The following ZFP82 variants were observed in gnomAD, a reference collection of about 807,000 sequenced individuals.
ZFP82 encodes zinc finger protein 82 homolog.
Under a neutral mutation model 54.0 loss-of-function variants are expected in ZFP82, and 30 were observed. That is an observed-to-expected ratio of 0.56 (90% CI 0.42 to 0.75). The LOEUF (loss-of-function observed/expected upper bound fraction) is 0.75. ZFP82 is among the 30% of genes least tolerant of loss of function. The pLI, the probability that ZFP82 is intolerant of heterozygous loss-of-function variation, is 0.00. For synonymous variants in ZFP82, 194 were observed against 209.5 expected, an observed-to-expected ratio of 0.93 and a Z score of 0.64; for missense variants, 500 against 636.8, an observed-to-expected ratio of 0.79 and a Z score of 2.31.
At position 36,392,939 on chromosome 19, in the gene ZFP82, T is replaced by C; in HGVS notation, c.1401A>G (p.Leu467=). The change falls in exon 5 of 5, where the codon CTA becomes CTG. Residue 467 remains leucine, a synonymous_variant. Transcript: ENST00000392161. The part of the protein sequence containing the change: ...KAFRLRQKLT[L]HQSIHTGEKP... ...TTTCGCCAGTATGAATGCTCTGATG[T>C]AGAGTAAGTTTTTGGCGCAATCTAA... 4 of 1,614,004 alleles carry C rather than the reference T, an allele frequency of 2.5e-6. No individual in the cohort carries two copies. Among genetic ancestry groups the C allele is most frequent in the Non-Finnish European group, 3.4e-6 (4 of 1,179,956 alleles).
chr19:36,409,801 T>C lies in ZFP82; in HGVS notation c.-12A>G. 1.2e-6 allele frequency: 2 copies of C among 1,613,660 alleles called. No homozygotes were observed. The highest frequency in any genetic ancestry group is 8.5e-7 in the Non-Finnish European group (1 of 1,179,812). On this transcript the variant is annotated 5_prime_UTR_variant, in exon 2 of 5. Coordinates refer to ENST00000392161, the MANE Select transcript of ZFP82 (RefSeq NM_133466.4). Reference sequence around the variant, plus strand: ...CTTACAAGGGCCATGGTATAGAAATTCAAGAACTGGTCAGTCCTCCTTGGG... The same window carrying C: ...CTTACAAGGGCCATGGTATAGAAATCCAAGAACTGGTCAGTCCTCCTTGGG...
downstream of ZFP82, among the ~76,000 whole-genome samples, chr19:36,388,530 T>C (rs2032141461): frequency 6.6e-6 from 1 of 152,108 alleles, no homozygotes; most frequent in African/African-American, 2.4e-5. Flanking sequence ...TTGAAACATA[T>C]TGAAATATAT....
intron 3 of ZFP82, among the ~76,000 whole-genome samples, chr19:36,407,367 C>T (rs373251665): frequency 7.2e-5 from 11 of 152,204 alleles, no homozygotes; most frequent in African/African-American, 2.6e-4. Flanking sequence ...TGAGCCACCG[C>T]GCCCGGCCAG....
rs1170792520 is a variant in ZFP82, at chr19:36,388,719, G to A, written c.*4022C>T. On this transcript the variant is annotated 3_prime_UTR_variant, in exon 5 of 5. Transcript: ENST00000392161. ...GTTCTTTTCAAAGAGAATATCCTTAGTCTGTTATTTTATTAACTATTCCAT... is the reference window on the plus strand; with the variant it reads ...GTTCTTTTCAAAGAGAATATCCTTAATCTGTTATTTTATTAACTATTCCAT... 6.6e-6 allele frequency among the ~76,000 whole-genome samples: 1 copy of A among 151,938 alleles called. No individual in the cohort carries two copies. The highest frequency in any genetic ancestry group is 6.6e-5 in the Admixed American group (1 of 15,238).
Position 36,392,599 on chromosome 19 carries a change from G to A in ZFP82, c.*142C>T, listed in dbSNP as rs979493514. 7.5e-6 allele frequency: 5 copies of A among 668,494 alleles called. No homozygotes were observed. The highest frequency in any genetic ancestry group is 7.3e-5 in the African/African-American group (4 of 54,924). The allele number at this position is 668,494 out of a possible 1,614,324, so 41.4% of individuals were successfully genotyped here. ...AAATATGCTGAAGTTTCAGGTTTGA[G>A]TGATGATGGACTACAATACATTGTC... On this transcript the variant is annotated 3_prime_UTR_variant, in exon 5 of 5. Coordinates refer to ENST00000392161, the MANE Select transcript of ZFP82 (RefSeq NM_133466.4).
chr19:36,409,746 C>T, intron 2 of ZFP82, 35 bp downstream of exon 2: 2 of 1,612,008 alleles, frequency 1.2e-6, no homozygotes, highest in South Asian at 2.2e-5. Flanking sequence ...AGAACCTTAA[C>T]ATGATAGTAT....
exon 2 of ZFP82, chr19:36,383,169 C>T (rs10426977): frequency 1.8e-4 from 28 of 152,050 alleles, no homozygotes; most frequent in South Asian, 1.2e-3. Flanking sequence ...ACCACATGGC[C>T]GAGGAAACTT....
rs1347704726 is a variant in ZFP82 at position 36,393,011 on chromosome 19, A to G, written c.1329T>C (p.Ile443=). The change falls in exon 5 of 5, where the codon ATT becomes ATC. Residue 443 remains isoleucine (I), a synonymous_variant. Transcript: ENST00000392161. ...ATTTATAAGGTTTCTCACCAATATG[A>G]ATACTCTGATGCTGTGTGAGTTGTG... is the stretch of plus-strand genomic sequence containing the variant. The part of the protein sequence containing the change: ...LLSQLTQHQS[I]HIGEKPYKCK... 6.2e-7 allele frequency: 1 copy of G among 1,614,186 alleles called. No homozygotes were observed.
chr19:36,386,108 G>A (rs533888331), downstream of ZFP82, among the ~76,000 whole-genome samples: 1 of 152,336 alleles, frequency 6.6e-6, no homozygotes, highest in Admixed American at 6.5e-5. Flanking sequence ...GACCCTGAAG[G>A]CATTCTGGCG....
At chr19:36,387,249 T>C (rs972504929), downstream of ZFP82, among the ~76,000 whole-genome samples, 3 of 152,132 alleles carry the variant, frequency 2.0e-5, no homozygotes, top group Non-Finnish European at 4.4e-5. Context: ...GAGAAGAACA[T>C]GAATTTGGGA....
chr19:36,384,938 A>C (rs569288731), downstream of ZFP82, among the ~76,000 whole-genome samples: 4 of 152,324 alleles, frequency 2.6e-5, no homozygotes, highest in South Asian at 6.2e-4. Flanking sequence ...TTAATCTATG[A>C]ATAGAGTGAC....
rs1024192045 is a variant in ZFP82, at chr19:36,390,498, A to G, written c.*2243T>C. On this transcript the variant is annotated 3_prime_UTR_variant, in exon 5 of 5. Transcript: ENST00000392161. ...TAATTAGGTTTGGAGACTAACTTGT[A>G]CTTCTCAGTTTTGGGGGAGCCAAGA... 2 of 151,982 alleles carry G rather than the reference A, an allele frequency of 1.3e-5. No individual in the cohort carries two copies. Among genetic ancestry groups the G allele is most frequent in the Non-Finnish European group, 2.9e-5 (2 of 68,008 alleles). 9.4% of individuals were successfully genotyped at this position (151,982 alleles called of 1,614,324 possible).
At chr19:36,417,034 C>G (rs1343673136) in intron 1 of ZFP82, among the ~76,000 whole-genome samples, 1 of 111,462 alleles carries the variant, frequency 9.0e-6, no homozygotes, top group Non-Finnish European at 2.0e-5. Context: ...GATTGTGCCA[C>G]TGCACTCCAA....
intron 2 of ZFP82, among the ~76,000 whole-genome samples, chr19:36,408,948 G>A (rs181839244): frequency 2.6e-5 from 4 of 152,274 alleles, no homozygotes; most frequent in South Asian, 2.1e-4. Flanking sequence ...GGGAGTCAAC[G>A]TGACTACTTA....
At chr19:36,407,258 A>G (rs2032500161) in intron 3 of ZFP82, among the ~76,000 whole-genome samples, 1 of 150,944 alleles carries the variant, frequency 6.6e-6, no homozygotes, top group South Asian at 2.1e-4. Context: ...TTGTATTTTT[A>G]GTAGAGACGG....
downstream of ZFP82, among the ~76,000 whole-genome samples, chr19:36,386,861 G>C (rs1485827513): frequency 6.6e-6 from 1 of 151,838 alleles, no homozygotes; most frequent in African/African-American, 2.4e-5. Flanking sequence ...GCTTGAATCT[G>C]GAGACAGAGG....
chr19:36,409,237 C>T (rs527998200), intron 2 of ZFP82, among the ~76,000 whole-genome samples: 1 of 152,244 alleles, frequency 6.6e-6, no homozygotes, highest in African/African-American at 2.4e-5. Context: ...GAGGCTGAGG[C>T]CAACTAACAG....
rs186503597 is a variant in ZFP82 at position 36,408,610 on chromosome 19, G to A, written c.10-597C>T. On this transcript the variant is annotated intron_variant, in intron 2 of 4. Transcript: ENST00000392161. ...CGAGGTGGGAGGATCACCTGAGGTCGGGAGTTCGAGACCAGCCTGACCAAC... is the reference window on the plus strand; with the variant it reads ...CGAGGTGGGAGGATCACCTGAGGTCAGGAGTTCGAGACCAGCCTGACCAAC... 9.3e-4 allele frequency among the ~76,000 whole-genome samples: 142 copies of A among 152,086 alleles called. 1 individual carries two copies. In the East Asian group the frequency reaches 0.021, roughly 23 times the overall value.
chr19:36,383,599 C>A (rs2032083559), exon 2 of ZFP82: 1 of 76,430 alleles, frequency 1.3e-5, no homozygotes, highest in Non-Finnish European at 2.7e-5. Context: ...AAAAAATAAT[C>A]ACTATATTTA....
Sources: gnomAD v4.1 joint callset for allele counts (sites outside exome capture counted in the v4.1 genomes callset) on GRCh38, gnomAD v4.1.1 for gene constraint, MANE v1.5 for transcripts, NCBI Gene and HGNC (gene_info 2026-07-23, HGNC 2026-07-21) for gene names.